BAG3: variants seen among roughly 807,000 people sequenced by gnomAD.
BAG3 encodes the protein BAG family molecular chaperone regulator 3.
BAG3 carries 14 observed loss-of-function variants against 40.5 expected under a neutral mutation model. That is an observed-to-expected ratio of 0.35 (90% CI 0.23 to 0.54). The LOEUF (loss-of-function observed/expected upper bound fraction) is 0.54, where lower values mean the gene tolerates loss of function less well. Among genes scored for constraint, BAG3 ranks in the 20% least tolerant of loss-of-function variants. The pLI is 0.91. For missense variants in BAG3, 788 were observed against 758.6 expected, an observed-to-expected ratio of 1.04 and a Z score of -0.46; for synonymous variants, 302 against 307.8, an observed-to-expected ratio of 0.98 and a Z score of 0.20.
At chr10:119,675,364 G>A (rs1379673944) in intron 3 of BAG3, among the ~76,000 whole-genome samples, 2 of 152,202 alleles carry the variant, frequency 1.3e-5, no homozygotes, top group African/African-American at 4.8e-5. Flanking sequence ...TATGGCTGTA[G>A]TTTATAGTCA....
Position 119,677,308 on chromosome 10 carries a change from G to A in BAG3, c.*26G>A, listed in dbSNP as rs377178592. ...CCTCTGCCCTGTAAAAATCAGACTC[G>A]GAACCGATGTGTGCTTTAGGGAATT... On this transcript the variant is annotated 3_prime_UTR_variant, in exon 4 of 4. Transcript: ENST00000369085. 94 of 1,612,586 alleles carry A rather than the reference G, an allele frequency of 5.8e-5. No individual in the cohort carries two copies. Among genetic ancestry groups the A allele is most frequent in the Non-Finnish European group, 7.7e-5 (91 of 1,179,626 alleles).
intron 1 of BAG3, among the ~76,000 whole-genome samples, chr10:119,658,328 C>G (rs1027946824): frequency 6.6e-6 from 1 of 152,250 alleles, no homozygotes; most frequent in Non-Finnish European, 1.5e-5. Context: ...GGGGTTAGCA[C>G]TCCTTCCTGG....
At chr10:119,665,780 A>T (rs1847057085) in intron 1 of BAG3, among the ~76,000 whole-genome samples, 1 of 151,456 alleles carries the variant, frequency 6.6e-6, no homozygotes, top group Non-Finnish European at 1.5e-5. Flanking sequence ...TTTTTTATTT[A>T]AAGCAATTTT....
At chr10:119,659,314 G>T (rs1388679173) in intron 1 of BAG3, among the ~76,000 whole-genome samples, 2 of 152,214 alleles carry the variant, frequency 1.3e-5, no homozygotes, top group African/African-American at 4.8e-5. Flanking sequence ...CTCCTCAAGG[G>T]GAGGGTCTCC....
At position 119,669,937 on chromosome 10, in the gene BAG3, C is replaced by T. The variant is rs749748006; in HGVS notation, c.267C>T (p.Leu89=). 1.2e-6 allele frequency: 2 copies of T among 1,614,252 alleles called. No homozygotes were observed. Among genetic ancestry groups the T allele is most frequent in the South Asian group, 2.2e-5 (2 of 91,084 alleles). Residue 89 remains leucine, a synonymous_variant, in exon 2 of 4, where the codon CTC becomes CTT. Coordinates refer to ENST00000369085, the MANE Select transcript of BAG3 (RefSeq NM_004281.4). ...AREGHPVYPQ[L]RPGYIPIPVL... ...AAGGCCACCCTGTGTACCCCCAGCT[C>T]CGACCAGGCTACATTCCCATTCCTG...
At position 119,676,955 on chromosome 10, in the gene BAG3, A is replaced by G. The variant is rs1452240685; in HGVS notation, c.1401A>G (p.Ser467=). The part of the protein sequence containing the change: ...YLTKELLALD[S]VDPEGRADVR... ...CCAAAGAGCTGCTGGCCCTGGATTC[A>G]GTGGACCCCGAGGGACGAGCCGATG... The change falls in exon 4 of 4, where the codon TCA becomes TCG. Residue 467 remains serine (S), a synonymous_variant. Coordinates refer to ENST00000369085, the MANE Select transcript of BAG3 (RefSeq NM_004281.4). The G allele has an allele frequency of 3.1e-6, 5 of 1,614,226 alleles. No individual in the cohort carries two copies. The highest frequency in any genetic ancestry group is 4.2e-6 in the Non-Finnish European group (5 of 1,180,038).
chr10:119,655,595 C>T (rs1350737426), intron 1 of BAG3, among the ~76,000 whole-genome samples: 1 of 152,128 alleles, frequency 6.6e-6, no homozygotes, highest in African/African-American at 2.4e-5. Flanking sequence ...TTAGCAGAGG[C>T]GGAGCACAAT....
At position 119,651,864 on chromosome 10, in the gene BAG3, G is replaced by C. The variant is rs1433391589; in HGVS notation, c.180+9G>C. On this transcript the variant is annotated intron_variant, in intron 1 of 3. Coordinates refer to ENST00000369085, the MANE Select transcript of BAG3 (RefSeq NM_004281.4). ...CCTCTGAGGGCCCCAAGGTGAGCCG[G>C]GCCCGCGGCCCGCCCTGGTCGGTGG... 36 of 1,545,900 alleles carry C rather than the reference G, an allele frequency of 2.3e-5. No homozygotes were observed. The highest frequency in any genetic ancestry group is 3.1e-5 in the Non-Finnish European group (36 of 1,147,050).
At chr10:119,656,378 C>CTTTTTT (rs34602155) in intron 1 of BAG3, among the ~76,000 whole-genome samples, 2 of 126,882 alleles carry the variant, frequency 1.6e-5, no homozygotes, top group Admixed American at 8.4e-5. Context: ...AGCTGGCCTT[C>CTTTTTT]TTTTTTTTTT....
chr10:119,656,378 C>CTTTT (rs34602155), intron 1 of BAG3, among the ~76,000 whole-genome samples: 10 of 126,870 alleles, frequency 7.9e-5, no homozygotes, highest in African/African-American at 1.8e-4. Flanking sequence ...AGCTGGCCTT[C>CTTTT]TTTTTTTTTT....
intron 3 of BAG3, 115 bp from the exon 4 acceptor site, chr10:119,676,349 T>TA: frequency 9.0e-7 from 1 of 1,111,146 alleles, no homozygotes; most frequent in South Asian, 1.3e-5. Context: ...TTTATACTAT[T>TA]AAACTTTTTT....
intron 3 of BAG3, among the ~76,000 whole-genome samples, chr10:119,673,315 T>G (rs1273123703): frequency 6.6e-6 from 1 of 152,208 alleles, no homozygotes; most frequent in Non-Finnish European, 1.5e-5. Context: ...CTCTTCAGCT[T>G]AGGGCTGAGC....
chr10:119,665,859 A>G (rs186929035), intron 1 of BAG3, among the ~76,000 whole-genome samples: 25 of 152,164 alleles, frequency 1.6e-4, no homozygotes, highest in African/African-American at 6.0e-4. Flanking sequence ...CGTCTTTTAG[A>G]TGCAGTGCTC....
At chr10:119,652,345 T>A (rs950458981) in intron 1 of BAG3, among the ~76,000 whole-genome samples, 1 of 152,206 alleles carries the variant, frequency 6.6e-6, no homozygotes, top group Non-Finnish European at 1.5e-5. Flanking sequence ...TGGGGGGAAT[T>A]TTACCGCTCA....
chr10:119,653,155 A>G (rs1846866667), intron 1 of BAG3, among the ~76,000 whole-genome samples: 1 of 152,232 alleles, frequency 6.6e-6, no homozygotes, highest in Admixed American at 6.5e-5. Context: ...CCCAGCAGTG[A>G]GACCGTGTAC....
chr10:119,657,649 C>T, intron 1 of BAG3: 1 of 469,656 alleles, frequency 2.1e-6, no homozygotes. Flanking sequence ...GAGGCCTGCT[C>T]CTTTTTGTCA....
chr10:119,655,664 G>C (rs961635088), intron 1 of BAG3, among the ~76,000 whole-genome samples: 2 of 152,176 alleles, frequency 1.3e-5, no homozygotes, highest in African/African-American at 4.8e-5. Context: ...TTGTGGCTGA[G>C]CAAGTTCCTG....
In BAG3 at chr10:119,663,409, C is replaced by A. The variant is rs889515837; in HGVS notation, c.181-6442C>A. On this transcript the variant is annotated intron_variant, in intron 1 of 3. Transcript: ENST00000369085. ...CTCACCCCTGGGTTCAAGCGATTCT[C>A]GTGCATCATCAACTTCCTAAGCAGC... 2.0e-5 allele frequency among the ~76,000 whole-genome samples: 3 copies of A among 152,130 alleles called. No individual in the cohort carries two copies. The South Asian group carries it at 6.2e-4, about 32-fold the overall frequency.
In BAG3 at chr10:119,677,433, A is replaced by G. The variant is rs575598306; in HGVS notation, c.*151A>G. 1.1e-6 allele frequency: 1 copy of G among 882,184 alleles called. No individual in the cohort carries two copies. Among genetic ancestry groups the G allele is most frequent in the African/African-American group, 1.7e-5 (1 of 60,012 alleles). 54.6% of individuals were successfully genotyped at this position (882,184 alleles called of 1,614,324 possible). A position where few individuals can be genotyped will look rare whatever the true frequency, so the allele number is the denominator to read the frequency against. On this transcript the variant is annotated 3_prime_UTR_variant, in exon 4 of 4. Transcript: ENST00000369085. ...GAGGCAAAACACTAATAAAAGGGCT[A>G]AAAAGGAAAATGATGCTTTTCTTCT...
Sources: gnomAD v4.1 joint callset for allele counts (sites outside exome capture counted in the v4.1 genomes callset) on GRCh38, gnomAD v4.1.1 for gene constraint, MANE v1.5 for transcripts, NCBI Gene and HGNC (gene_info 2026-07-23, HGNC 2026-07-21) for gene names.